Variants in TMEM132D observed in about 807,000 individuals in gnomAD.
TMEM132D encodes mature OL transmembrane protein.
TMEM132D carries 21 observed loss-of-function variants against 62.3 expected under a neutral mutation model. The ratio of observed to expected loss-of-function variants is 0.34; its 90% CI spans 0.24 to 0.49. The LOEUF (loss-of-function observed/expected upper bound fraction) is 0.49. TMEM132D is among the 20% of genes least tolerant of loss of function. The pLI is 0.99. For missense variants in TMEM132D, 1,346 were observed against 1,402.8 expected (o/e 0.96, Z 0.65); for synonymous variants, 621 against 575.6 (o/e 1.08, Z -1.13).
At chr12:129,561,621 A>C (rs1877235605) in intron 2 of TMEM132D, among the ~76,000 whole-genome samples, 1 of 152,190 alleles carries the variant, frequency 6.6e-6, no homozygotes, top group Non-Finnish European at 1.5e-5. Context: ...ACTCTTATTA[A>C]GGGCTGAGGT....
intron 2 of TMEM132D, among the ~76,000 whole-genome samples, chr12:129,552,150 A>T (rs1161194237): frequency 6.6e-6 from 1 of 152,214 alleles, no homozygotes; most frequent in Non-Finnish European, 1.5e-5. Context: ...TCCATGTGCT[A>T]TCAGGACAAC....
intron 2 of TMEM132D, among the ~76,000 whole-genome samples, chr12:129,661,457 T>C (rs1211638545): frequency 6.6e-6 from 1 of 152,204 alleles, no homozygotes; most frequent in Non-Finnish European, 1.5e-5. Flanking sequence ...GAAAACACAG[T>C]GCCTTAGTGA....
intron 1 of TMEM132D, among the ~76,000 whole-genome samples, chr12:129,733,998 G>C (rs1172249424): frequency 6.6e-6 from 1 of 152,128 alleles, no homozygotes; most frequent in Non-Finnish European, 1.5e-5. Context: ...TGAAGAAATG[G>C]AGCACTGACT....
intron 1 of TMEM132D, among the ~76,000 whole-genome samples, chr12:129,894,404 A>T (rs945383294): frequency 1.3e-5 from 2 of 152,204 alleles, no homozygotes; most frequent in African/African-American, 4.8e-5. Context: ...AGCCAAGGGG[A>T]TATCAAGGCC....
intron 4 of TMEM132D, among the ~76,000 whole-genome samples, chr12:129,211,676 TA>T (rs1275900321): frequency 6.6e-6 from 1 of 152,236 alleles, no homozygotes; most frequent in African/African-American, 2.4e-5. Flanking sequence ...ATTTTAATTC[TA>T]AAAGACAAGA....
chr12:129,561,865 G>T (rs1056337439), intron 2 of TMEM132D, among the ~76,000 whole-genome samples: 4 of 152,160 alleles, frequency 2.6e-5, no homozygotes, highest in African/African-American at 9.7e-5. Flanking sequence ...ACCAGTTAAG[G>T]CTCAGCTTAT....
At chr12:129,353,231 C>T (rs182911414) in intron 3 of TMEM132D, among the ~76,000 whole-genome samples, 6 of 152,008 alleles carry the variant, frequency 3.9e-5, no homozygotes, top group Non-Finnish European at 7.4e-5. Context: ...GATATCTGTG[C>T]TCTTGGAAGT....
chr12:129,465,702 T>C (rs1038326040), intron 3 of TMEM132D, among the ~76,000 whole-genome samples: 11 of 152,192 alleles, frequency 7.2e-5, no homozygotes, highest in African/African-American at 2.7e-4. Flanking sequence ...TTTTATTTTA[T>C]GAGACAGTCT....
At chr12:129,555,469 T>C (rs73155289) in intron 2 of TMEM132D, among the ~76,000 whole-genome samples, 57 of 152,320 alleles carry the variant, frequency 3.7e-4, no homozygotes, top group Non-Finnish European at 6.6e-4. Context: ...TAACCATACA[T>C]GTTAAAATAG....
intron 5 of TMEM132D, chr12:129,170,239 G>A (rs987403175): frequency 6.6e-6 from 1 of 152,210 alleles, no homozygotes; most frequent in African/African-American, 2.4e-5. Flanking sequence ...GAGATCTCAG[G>A]CTGGCAGCAA....
chr12:129,660,146 A>T (rs931702628), intron 2 of TMEM132D, among the ~76,000 whole-genome samples: 1 of 152,132 alleles, frequency 6.6e-6, no homozygotes. Context: ...TGGATGACTC[A>T]TGTATTGTAA....
In TMEM132D at chr12:129,647,121, C is replaced by CATACATATATATATAT. The variant is rs968615665; in HGVS notation, c.968+52688_968+52689insATATATATATATGTAT. On this transcript the variant is annotated intron_variant, in intron 2 of 8. Coordinates refer to ENST00000422113, the MANE Select transcript of TMEM132D (RefSeq NM_133448.3). ...AACCACATGTTTTTATACATACATA[C>CATACATATATATATAT]ATATATATATATATATATATACTCA... 6.9e-4 allele frequency among the ~76,000 whole-genome samples: 101 copies of CATACATATATATATAT among 146,444 alleles called. 1 individual carries two copies. The highest frequency in any genetic ancestry group is 3.5e-3 in the Middle Eastern group (1 of 282).
chr12:129,627,016 G>A (rs984758541), intron 2 of TMEM132D, among the ~76,000 whole-genome samples: 1 of 152,118 alleles, frequency 6.6e-6, no homozygotes, highest in Non-Finnish European at 1.5e-5. Flanking sequence ...ATGAAGAATT[G>A]GAAAAGGAAG....
chr12:129,804,478 C>A lies in TMEM132D; in HGVS notation c.79+98783G>T, dbSNP rs896587752. ...CAATAGATGCAGAAAAGGCGTTTGACAAAATTCAACAACCCTTCATGCTAA... is the reference window on the plus strand; with the variant it reads ...CAATAGATGCAGAAAAGGCGTTTGAAAAAATTCAACAACCCTTCATGCTAA... On this transcript the variant is annotated intron_variant, in intron 1 of 8. Transcript: ENST00000422113. Among the ~76,000 whole-genome samples, 56 of 150,508 alleles carry A rather than the reference C, an allele frequency of 3.7e-4. 1 individual carries two copies. Among genetic ancestry groups the A allele is most frequent in the African/African-American group, 1.3e-3 (51 of 40,780 alleles).
chr12:129,733,679 T>C (rs1370109137), intron 1 of TMEM132D, among the ~76,000 whole-genome samples: 2 of 109,756 alleles, frequency 1.8e-5, no homozygotes, highest in Admixed American at 1.1e-4. Flanking sequence ...GGTTACTAAA[T>C]GGAGATGAGG....
chr12:129,230,653 T>C (rs906899887), intron 4 of TMEM132D, among the ~76,000 whole-genome samples: 18 of 152,214 alleles, frequency 1.2e-4, no homozygotes, highest in Non-Finnish European at 2.2e-4. Context: ...GTGTTGATGT[T>C]CTGATCAGTT....
chr12:129,099,565 G>T (rs1365831172), intron 5 of TMEM132D, among the ~76,000 whole-genome samples: 1 of 152,174 alleles, frequency 6.6e-6, no homozygotes, highest in Non-Finnish European at 1.5e-5. Flanking sequence ...GCCACATGTG[G>T]ACCCTTCAGC....
chr12:129,413,734 C>T (rs897957946), intron 3 of TMEM132D, among the ~76,000 whole-genome samples: 2 of 152,122 alleles, frequency 1.3e-5, no homozygotes, highest in Non-Finnish European at 2.9e-5. Flanking sequence ...GAAACTCTTA[C>T]CTTGATCTTG....
At chr12:129,111,213 A>G (rs1050305148) in intron 5 of TMEM132D, 5 of 152,464 alleles carry the variant, frequency 3.3e-5, no homozygotes, top group Admixed American at 6.5e-5. Flanking sequence ...CCTACAGGGA[A>G]CAGGGGAGGA....
Sources: allele counts gnomAD v4.1 joint callset (sites outside exome capture counted in the v4.1 genomes callset), GRCh38; gene constraint gnomAD v4.1.1; transcripts MANE v1.5; gene names NCBI Gene and HGNC (gene_info 2026-07-23, HGNC 2026-07-21).